NKAIN3: variants seen among roughly 807,000 people sequenced by gnomAD.
The protein encoded by NKAIN3 is sodium/potassium-transporting ATPase subunit beta-1-interacting protein 3.
A neutral mutation model predicts 30.2 loss-of-function variants in NKAIN3; 25 were observed. That is an observed-to-expected ratio of 0.83 (90% CI 0.60 to 1.16). The LOEUF (loss-of-function observed/expected upper bound fraction) is 1.16. Ranked by LOEUF, NKAIN3 falls within the 50% of genes most tolerant of loss-of-function variation. The pLI is 0.00. For synonymous variants in NKAIN3, 91 were observed against 89.6 expected (o/e 1.02, Z -0.09); for missense variants, 225 against 254.1 (o/e 0.89, Z 0.78).
chr8:62,582,381 A>G (rs1400838253), intron 2 of NKAIN3, among the ~76,000 whole-genome samples: 2 of 152,148 alleles, frequency 1.3e-5, no homozygotes, highest in East Asian at 3.9e-4. Flanking sequence ...GTGTGCCTTT[A>G]TCAAACAATT....
At chr8:62,449,506 G>A (rs565294412) in intron 1 of NKAIN3, among the ~76,000 whole-genome samples, 1 of 152,056 alleles carries the variant, frequency 6.6e-6, no homozygotes, top group Non-Finnish European at 1.5e-5. Flanking sequence ...AAATATAAGT[G>A]TAATTGTTTC....
At chr8:62,594,237 G>A (rs1345761205) in intron 3 of NKAIN3, among the ~76,000 whole-genome samples, 1 of 151,964 alleles carries the variant, frequency 6.6e-6, no homozygotes, top group Non-Finnish European at 1.5e-5. Flanking sequence ...AAATAGAGGA[G>A]GAGGGACCAT....
intron 4 of NKAIN3, among the ~76,000 whole-genome samples, chr8:62,875,624 G>A (rs954851093): frequency 1.3e-5 from 2 of 152,088 alleles, no homozygotes; most frequent in African/African-American, 4.8e-5. Flanking sequence ...TACCAAAACA[G>A]ACATATAGGC....
At position 62,579,817 on chromosome 8, in the gene NKAIN3, A is replaced by T. The variant is rs1352875238; in HGVS notation, c.192+141A>T. On this transcript the variant is annotated intron_variant, in intron 2 of 6. Coordinates refer to ENST00000623646, the MANE Select transcript of NKAIN3 (RefSeq NM_001304533.3). ...CCCTCAAATGTTAAATTTTGTTAAG[A>T]AGTGATTATCTGTGGAAAATACAAA... 1.6e-5 allele frequency: 7 copies of T among 450,148 alleles called. No homozygotes were observed. In the Admixed American group the frequency reaches 2.5e-4, roughly 16 times the overall value. The allele number at this position is 450,148 out of a possible 1,614,324, so 27.9% of individuals were successfully genotyped here. A position where few individuals can be genotyped will look rare whatever the true frequency, so the allele number is the denominator to read the frequency against.
intron 1 of NKAIN3, among the ~76,000 whole-genome samples, chr8:62,260,132 A>G (rs1812389181): frequency 6.6e-6 from 1 of 152,156 alleles, no homozygotes; most frequent in South Asian, 2.1e-4. Flanking sequence ...AGGGGTGACG[A>G]TAAGTCATAA....
intron 4 of NKAIN3, among the ~76,000 whole-genome samples, chr8:62,748,317 T>G (rs1029879113): frequency 6.6e-6 from 1 of 152,152 alleles, no homozygotes; most frequent in Non-Finnish European, 1.5e-5. Context: ...CCCATTCTCC[T>G]GCACATGCAC....
chr8:62,606,887 G>A (rs1351365), intron 3 of NKAIN3, among the ~76,000 whole-genome samples: 119,241 of 152,048 alleles, frequency 0.78, 46,893 homozygotes, highest in Middle Eastern at 0.84. Flanking sequence ...CTCATCATTA[G>A]CTGAGATACT....
intron 1 of NKAIN3, among the ~76,000 whole-genome samples, chr8:62,531,737 G>A (rs1179870957): frequency 6.6e-6 from 1 of 152,190 alleles, no homozygotes. Flanking sequence ...ATGACCCAGA[G>A]ATGGTCTGAA....
At chr8:62,990,337 G>C in intron 5 of NKAIN3, 1 of 1,334,518 alleles carries the variant, frequency 7.5e-7, no homozygotes, top group Non-Finnish European at 9.7e-7. Context: ...CTAAACCCCA[G>C]ATTCAACATC....
chr8:62,321,410 T>G (rs532259317), intron 1 of NKAIN3, among the ~76,000 whole-genome samples: 1 of 152,318 alleles, frequency 6.6e-6, no homozygotes, highest in East Asian at 1.9e-4. Context: ...GGTGCTCTGA[T>G]TTTTAGAGTT....
chr8:62,635,429 C>T (rs79376241), intron 3 of NKAIN3, among the ~76,000 whole-genome samples: 16,088 of 152,164 alleles, frequency 0.11, 1,056 homozygotes, highest in East Asian at 0.32. Flanking sequence ...CTCCCTTCCA[C>T]CAGCTGGTGA....
At chr8:62,810,450 T>G (rs1303966534) in intron 4 of NKAIN3, among the ~76,000 whole-genome samples, 1 of 152,092 alleles carries the variant, frequency 6.6e-6, no homozygotes, top group East Asian at 1.9e-4. Context: ...TGATTCGCTT[T>G]AAGGACAACC....
Position 62,528,401 on chromosome 8 carries a change from C to T in NKAIN3, c.55-51138C>T, listed in dbSNP as rs1335177216. Among the ~76,000 whole-genome samples the T allele has an allele frequency of 1.1e-4, 17 of 147,828 alleles. 1 individual carries two copies. The Admixed American group carries it at 1.2e-3, about 10-fold the overall frequency. Reference sequence around the variant, plus strand: ...GTAACACAAAATGTTTCTATAAGGACTTAAAAATGCCAGTTTGTCACTGTG... The same window carrying T: ...GTAACACAAAATGTTTCTATAAGGATTTAAAAATGCCAGTTTGTCACTGTG... On this transcript the variant is annotated intron_variant, in intron 1 of 6. Coordinates refer to ENST00000623646, the MANE Select transcript of NKAIN3 (RefSeq NM_001304533.3).
chr8:62,760,175 G>A (rs966482053), intron 4 of NKAIN3, among the ~76,000 whole-genome samples: 2 of 152,172 alleles, frequency 1.3e-5, no homozygotes, highest in African/African-American at 2.4e-5. Flanking sequence ...TACACTGTTG[G>A]TGAGACTGTA....
chr8:62,454,384 T>C (rs1805751441), intron 1 of NKAIN3, among the ~76,000 whole-genome samples: 1 of 151,310 alleles, frequency 6.6e-6, no homozygotes, highest in African/African-American at 2.4e-5. Flanking sequence ...ATGTTCAAAG[T>C]TGTCCTGGGC....
At chr8:62,504,166 T>C (rs1807558223) in intron 1 of NKAIN3, among the ~76,000 whole-genome samples, 1 of 152,188 alleles carries the variant, frequency 6.6e-6, no homozygotes, top group Admixed American at 6.5e-5. Context: ...TGCATGCTCC[T>C]TATGAGAATC....
At chr8:62,838,155 A>G (rs1819426829) in intron 4 of NKAIN3, among the ~76,000 whole-genome samples, 2 of 122,258 alleles carry the variant, frequency 1.6e-5, no homozygotes, top group Non-Finnish European at 3.7e-5. Flanking sequence ...GTGTGTGTAT[A>G]TAAAATGAGC....
At chr8:62,345,509 A>G (rs1815950973) in intron 1 of NKAIN3, among the ~76,000 whole-genome samples, 2 of 43,844 alleles carry the variant, frequency 4.6e-5, no homozygotes, top group African/African-American at 1.5e-4. Flanking sequence ...ATATACACAT[A>G]TATACACATA....
intron 1 of NKAIN3, among the ~76,000 whole-genome samples, chr8:62,520,700 T>C (rs932854302): frequency 6.6e-6 from 1 of 152,064 alleles, no homozygotes; most frequent in African/African-American, 2.4e-5. Flanking sequence ...TGAAGTTTGG[T>C]TTCTCAGTCA....
Sources: allele counts gnomAD v4.1 joint callset (sites outside exome capture counted in the v4.1 genomes callset), GRCh38; gene constraint gnomAD v4.1.1; transcripts MANE v1.5; gene names NCBI Gene and HGNC (gene_info 2026-07-23, HGNC 2026-07-21).